The following PAMR1 variants were observed in gnomAD, a reference collection of about 807,000 sequenced individuals.
PAMR1 encodes inactive serine protease PAMR1.
A neutral mutation model predicts 81.8 loss-of-function variants in PAMR1; 88 were observed. The observed-to-expected ratio is 1.08, with a 90% CI of 0.91 to 1.28. The LOEUF is 1.28. PAMR1 is among the 50% of genes most tolerant of loss of function. The pLI, the probability that PAMR1 is intolerant of heterozygous loss-of-function variation, is 0.00. For synonymous variants in PAMR1, 336 were observed against 345.3 expected, an observed-to-expected ratio of 0.97 and a Z score of 0.30; for missense variants, 935 against 919.7, an observed-to-expected ratio of 1.02 and a Z score of -0.21.
intron 1 of PAMR1, among the ~76,000 whole-genome samples, chr11:35,507,121 A>G (rs1814696902): frequency 7.3e-6 from 1 of 136,810 alleles, no homozygotes; most frequent in Non-Finnish European, 1.5e-5. Context: ...ATCTCAGCTC[A>G]CTGCAACCTC....
chr11:35,481,195 A>G (rs1376352500), intron 3 of PAMR1, among the ~76,000 whole-genome samples: 1 of 152,192 alleles, frequency 6.6e-6, no homozygotes, highest in African/African-American at 2.4e-5. Flanking sequence ...TAGTAGAAAG[A>G]TTCATATTCC....
chr11:35,515,410 G>A (rs1851143854), intron 1 of PAMR1, among the ~76,000 whole-genome samples: 1 of 152,234 alleles, frequency 6.6e-6, no homozygotes, highest in African/African-American at 2.4e-5. Context: ...GTAATGGTAT[G>A]TCCAATGGGT....
chr11:35,468,640 G>A (rs200448732), intron 5 of PAMR1, among the ~76,000 whole-genome samples: 1 of 152,208 alleles, frequency 6.6e-6, no homozygotes, highest in African/African-American at 2.4e-5. Context: ...GCTCAAATAT[G>A]TTAGGGAAAT....
intron 6 of PAMR1, among the ~76,000 whole-genome samples, chr11:35,453,665 T>C (rs1378104426): frequency 6.6e-6 from 1 of 152,196 alleles, no homozygotes; most frequent in Non-Finnish European, 1.5e-5. Context: ...TCCTACTCAT[T>C]CTCTTTTTAG....
intron 4 of PAMR1, among the ~76,000 whole-genome samples, chr11:35,473,395 A>T: frequency 6.6e-6 from 1 of 152,162 alleles, no homozygotes; most frequent in East Asian, 1.9e-4. Context: ...AGCTCCTCAG[A>T]GGCCCAGAGG....
chr11:35,467,627 T>C (rs181509768), intron 6 of PAMR1, among the ~76,000 whole-genome samples: 3 of 152,352 alleles, frequency 2.0e-5, no homozygotes, highest in Admixed American at 2.0e-4. Flanking sequence ...AGCCTGTGAA[T>C]GGTGCCAGAG....
chr11:35,477,521 CA>C (rs1850304413), intron 3 of PAMR1, among the ~76,000 whole-genome samples: 1 of 152,200 alleles, frequency 6.6e-6, no homozygotes, highest in Non-Finnish European at 1.5e-5. Context: ...GTTTGAAACT[CA>C]GCTTTATTTT....
At chr11:35,462,913 C>T (rs962514505) in intron 6 of PAMR1, among the ~76,000 whole-genome samples, 1 of 152,060 alleles carries the variant, frequency 6.6e-6, no homozygotes, top group African/African-American at 2.4e-5. Flanking sequence ...GATGCACCTG[C>T]CTTCTGTGTA....
intron 10 of PAMR1, among the ~76,000 whole-genome samples, chr11:35,433,558 G>A (rs1311253208): frequency 6.6e-6 from 1 of 152,222 alleles, no homozygotes; most frequent in African/African-American, 2.4e-5. Flanking sequence ...TTGCCTTGGG[G>A]CTTCTCTTGT....
chr11:35,518,005 C>T (rs1851199168), intron 1 of PAMR1, among the ~76,000 whole-genome samples: 1 of 152,162 alleles, frequency 6.6e-6, no homozygotes, highest in Admixed American at 6.5e-5. Context: ...CCATTGGGTC[C>T]ATTAGTGAAT....
intron 1 of PAMR1, among the ~76,000 whole-genome samples, chr11:35,499,542 C>G (rs564179042): frequency 2.0e-5 from 3 of 152,180 alleles, no homozygotes; most frequent in Admixed American, 6.5e-5. Flanking sequence ...TCCCTGTTTC[C>G]CCCTAAGCAG....
At chr11:35,479,714 A>G (rs950601840) in intron 3 of PAMR1, among the ~76,000 whole-genome samples, 2 of 152,154 alleles carry the variant, frequency 1.3e-5, no homozygotes, top group Non-Finnish European at 2.9e-5. Flanking sequence ...ACATCAAGAG[A>G]TGGTTTCGTG....
At chr11:35,465,064 C>T (rs1416612661) in intron 6 of PAMR1, among the ~76,000 whole-genome samples, 2 of 152,122 alleles carry the variant, frequency 1.3e-5, no homozygotes, top group Admixed American at 1.3e-4. Flanking sequence ...AGTGTCGTGT[C>T]TGAGAGATTG....
At chr11:35,499,921 C>T (rs582555) in intron 1 of PAMR1, among the ~76,000 whole-genome samples, 46,451 of 151,706 alleles carry the variant, frequency 0.31, 9,462 homozygotes, top group East Asian at 0.64. Flanking sequence ...CAAGGCCCCC[C>T]GTAAGAGGGA....
At chr11:35,494,316 G>A (rs761565523) in intron 1 of PAMR1, 44 bp from the exon 2 acceptor site, 3 of 1,500,318 alleles carry the variant, frequency 2.0e-6, no homozygotes, top group Non-Finnish European at 2.8e-6. Context: ...CTGGCAGGGA[G>A]TGGTAAGACT....
chr11:35,501,920 A>T (rs550024091), intron 1 of PAMR1, among the ~76,000 whole-genome samples: 1 of 152,282 alleles, frequency 6.6e-6, no homozygotes, highest in East Asian at 1.9e-4. Context: ...TCTTTGATAT[A>T]TTTCCTTTTG....
At chr11:35,495,422 A>G (rs561215280) in intron 1 of PAMR1, among the ~76,000 whole-genome samples, 63 of 152,190 alleles carry the variant, frequency 4.1e-4, no homozygotes, top group African/African-American at 1.3e-3. Context: ...AAAGAGAAAA[A>G]CCATCTGGCA....
At chr11:35,502,408 C>T (rs1850864817) in intron 1 of PAMR1, among the ~76,000 whole-genome samples, 1 of 152,174 alleles carries the variant, frequency 6.6e-6, no homozygotes, top group African/African-American at 2.4e-5. Flanking sequence ...ATGCTCTCCC[C>T]CAACCCACCT....
At chr11:35,479,435 T>G (rs920494312) in intron 3 of PAMR1, among the ~76,000 whole-genome samples, 1 of 152,232 alleles carries the variant, frequency 6.6e-6, no homozygotes, top group East Asian at 1.9e-4. Context: ...AGATATTGTA[T>G]GTAAAGCACT....
Sources: gnomAD v4.1 joint callset for allele counts (sites outside exome capture counted in the v4.1 genomes callset) on GRCh38, gnomAD v4.1.1 for gene constraint, MANE v1.5 for transcripts, NCBI Gene and HGNC (gene_info 2026-07-23, HGNC 2026-07-21) for gene names.